ROBO1: variants seen among roughly 807,000 people sequenced by gnomAD.
ROBO1 encodes the protein roundabout homolog 1.
In ROBO1, 149 loss-of-function variants were observed where a neutral mutation model predicts 195.9. The ratio of observed to expected loss-of-function variants is 0.76; its 90% CI spans 0.67 to 0.87. The LOEUF is 0.87. Ranked by LOEUF, ROBO1 falls within the 40% of genes least tolerant of loss-of-function variation. ROBO1 has a pLI of 0.00. For synonymous variants in ROBO1, 816 were observed against 733.2 expected, an observed-to-expected ratio of 1.11 and a Z score of -1.82; for missense variants, 1,933 against 2,068.3, an observed-to-expected ratio of 0.93 and a Z score of 1.27.
chr3:78,714,183 A>T (rs577258447), intron 8 of ROBO1, among the ~76,000 whole-genome samples: 15 of 152,320 alleles, frequency 9.8e-5, no homozygotes, highest in Admixed American at 8.5e-4. Context: ...AATTTTGAAC[A>T]TAATTTTCAA....
chr3:79,253,078 A>C (rs894749974), intron 2 of ROBO1, among the ~76,000 whole-genome samples: 1 of 152,190 alleles, frequency 6.6e-6, no homozygotes, highest in Non-Finnish European at 1.5e-5. Flanking sequence ...TACTGTGCAG[A>C]AATATACTTT....
intron 3 of ROBO1, among the ~76,000 whole-genome samples, chr3:79,045,438 T>G (rs4680950): frequency 0.96 from 146,431 of 152,030 alleles, 70,684 homozygotes; most frequent in East Asian, 1. Context: ...CAGTTTAAAC[T>G]TCTTGGTTTT....
At chr3:79,241,315 A>T (rs2108880556) in intron 2 of ROBO1, among the ~76,000 whole-genome samples, 1 of 152,320 alleles carries the variant, frequency 6.6e-6, no homozygotes, top group East Asian at 1.9e-4. Context: ...CAATGATTTG[A>T]ATATCTATGT....
chr3:78,910,791 C>G (rs1035267807), intron 4 of ROBO1, among the ~76,000 whole-genome samples: 1 of 151,866 alleles, frequency 6.6e-6, no homozygotes, highest in African/African-American at 2.4e-5. Context: ...TTTTGAAAGG[C>G]GTAATGACAT....
intron 2 of ROBO1, among the ~76,000 whole-genome samples, chr3:79,242,983 T>TC (rs375338180): frequency 8.3e-5 from 5 of 59,930 alleles, no homozygotes; most frequent in South Asian, 1.8e-3. Context: ...CCCTCCCCCC[T>TC]CCCCCCCACC....
At chr3:79,410,771 T>C (rs2037736453) in intron 2 of ROBO1, among the ~76,000 whole-genome samples, 1 of 152,066 alleles carries the variant, frequency 6.6e-6, no homozygotes, top group Non-Finnish European at 1.5e-5. Context: ...GGAAATTCGG[T>C]TGGCAGCAGA....
intron 4 of ROBO1, among the ~76,000 whole-genome samples, chr3:78,922,823 C>T (rs2039016718): frequency 6.6e-6 from 1 of 151,872 alleles, no homozygotes; most frequent in African/African-American, 2.4e-5. Context: ...GTCTCGAACT[C>T]CTGACCTCAA....
intron 2 of ROBO1, among the ~76,000 whole-genome samples, chr3:79,485,337 AGTCT>A (rs1939102105): frequency 6.6e-6 from 1 of 152,160 alleles, no homozygotes; most frequent in Admixed American, 6.6e-5. Context: ...TTCTCTGATC[AGTCT>A]AAGTTGGTGA....
At chr3:79,588,658 A>G (rs1409194407) in intron 2 of ROBO1, among the ~76,000 whole-genome samples, 1 of 151,692 alleles carries the variant, frequency 6.6e-6, no homozygotes, top group Non-Finnish European at 1.5e-5. Flanking sequence ...TGATTCATAC[A>G]CTAATCTTAA....
intron 3 of ROBO1, among the ~76,000 whole-genome samples, chr3:79,019,754 C>A (rs1209930470): frequency 6.6e-6 from 1 of 152,080 alleles, no homozygotes; most frequent in Non-Finnish European, 1.5e-5. Flanking sequence ...AACCTCCCAG[C>A]CAAAGACTTC....
At chr3:78,948,249 G>A (rs139650221) in intron 3 of ROBO1, among the ~76,000 whole-genome samples, 2 of 152,128 alleles carry the variant, frequency 1.3e-5, no homozygotes, top group African/African-American at 4.8e-5. Context: ...GATGAACATT[G>A]ATGCAAAAAT....
intron 4 of ROBO1, among the ~76,000 whole-genome samples, chr3:78,798,230 A>G (rs2084245075): frequency 6.6e-6 from 1 of 152,188 alleles, no homozygotes; most frequent in Non-Finnish European, 1.5e-5. Context: ...TTACACTTAA[A>G]TAAAATGGCT....
chr3:79,012,199 G>C (rs2077797756), intron 3 of ROBO1, among the ~76,000 whole-genome samples: 1 of 152,160 alleles, frequency 6.6e-6, no homozygotes, highest in African/African-American at 2.4e-5. Flanking sequence ...TTGAAAAATA[G>C]ATCCCCAAAA....
chr3:79,163,958 T>A (rs1371735256), intron 2 of ROBO1, among the ~76,000 whole-genome samples: 3 of 152,134 alleles, frequency 2.0e-5, no homozygotes, highest in African/African-American at 7.2e-5. Flanking sequence ...GGTAATGACA[T>A]TGATGATTAT....
At position 78,776,176 on chromosome 3, in the gene ROBO1, C is replaced by T. The variant is rs866773336; in HGVS notation, c.500-29276G>A. 2.0e-5 allele frequency among the ~76,000 whole-genome samples: 3 copies of T among 152,260 alleles called. No individual in the cohort carries two copies. The South Asian group carries it at 6.2e-4, about 32-fold the overall frequency. Reference sequence around the variant, plus strand: ...GGGAATAGTAGACACTCAATAAGTACTGTTCAAAGAATGACTAACTGAATG... The same window carrying T: ...GGGAATAGTAGACACTCAATAAGTATTGTTCAAAGAATGACTAACTGAATG... On this transcript the variant is annotated intron_variant, in intron 4 of 30. Coordinates refer to ENST00000464233, the MANE Select transcript of ROBO1 (RefSeq NM_002941.4).
At chr3:79,167,300 T>C (rs1348632639) in intron 2 of ROBO1, among the ~76,000 whole-genome samples, 1 of 152,150 alleles carries the variant, frequency 6.6e-6, no homozygotes, top group Admixed American at 6.5e-5. Context: ...TGTTTGCTTG[T>C]GCCAACAAAA....
intron 1 of ROBO1, among the ~76,000 whole-genome samples, chr3:79,638,544 T>C (rs1440553653): frequency 6.6e-6 from 1 of 152,068 alleles, no homozygotes; most frequent in Non-Finnish European, 1.5e-5. Flanking sequence ...CCTCCCACAG[T>C]GCTGGAATTA....
At chr3:78,849,870 A>ACACACT (rs1559922116) in intron 4 of ROBO1, among the ~76,000 whole-genome samples, 3 of 150,618 alleles carry the variant, frequency 2.0e-5, no homozygotes, top group African/African-American at 7.3e-5. Flanking sequence ...ACACACACAC[A>ACACACT]CTCTTATAGT....
chr3:79,246,536 T>C (rs1313437308), intron 2 of ROBO1, among the ~76,000 whole-genome samples: 1 of 152,168 alleles, frequency 6.6e-6, no homozygotes, highest in Non-Finnish European at 1.5e-5. Context: ...ACCTCTACAC[T>C]GTCTTAATCA....
Sources: gnomAD v4.1 joint callset for allele counts (sites outside exome capture counted in the v4.1 genomes callset) on GRCh38, gnomAD v4.1.1 for gene constraint, MANE v1.5 for transcripts, NCBI Gene and HGNC (gene_info 2026-07-23, HGNC 2026-07-21) for gene names.